Variants in PRKG1 observed in about 807,000 individuals in gnomAD.
PRKG1 encodes the protein cGMP-dependent protein kinase 1.
A neutral mutation model predicts 88.1 loss-of-function variants in PRKG1; 35 were observed. The observed-to-expected ratio is 0.40, with a 90% CI of 0.30 to 0.53. PRKG1 has a LOEUF of 0.53. Among genes scored for constraint, PRKG1 ranks in the 20% least tolerant of loss-of-function variants. The probability of loss-of-function intolerance (pLI) is 0.59; values close to 1 mark genes in which losing one functional copy is unlikely to be tolerated. For synonymous variants in PRKG1, 303 were observed against 292.5 expected, an observed-to-expected ratio of 1.04 and a Z score of -0.37; for missense variants, 540 against 839.8, an observed-to-expected ratio of 0.64 and a Z score of 4.41.
Position 51,772,974 on chromosome 10 carries a change from G to A in PRKG1, c.593-31611G>A, listed in dbSNP as rs1372481059. On this transcript the variant is annotated intron_variant, in intron 3 of 17. Transcript: ENST00000373980. ...TGGGGCTCAGATAGCAATGTTAATT[G>A]GCAGAACTAGAGTGCATCAGTTAGT... is the stretch of plus-strand genomic sequence containing the variant. 3.3e-5 allele frequency among the ~76,000 whole-genome samples: 5 copies of A among 152,062 alleles called. No individual in the cohort carries two copies. In the East Asian group the frequency reaches 9.7e-4, roughly 29 times the overall value.
chr10:51,997,686 A>T (rs1291001176), intron 5 of PRKG1, among the ~76,000 whole-genome samples: 1 of 152,170 alleles, frequency 6.6e-6, no homozygotes, highest in Non-Finnish European at 1.5e-5. Flanking sequence ...TGTTGTACGC[A>T]ATAAATACAT....
At chr10:51,490,795 G>A (rs73338066) in intron 3 of PRKG1, among the ~76,000 whole-genome samples, 25,626 of 151,922 alleles carry the variant, frequency 0.17, 3,177 homozygotes, top group African/African-American at 0.35. Context: ...GAAAGCAACC[G>A]GGCTATATCT....
chr10:51,086,523 T>A (rs1347273350), intron 1 of PRKG1, among the ~76,000 whole-genome samples: 3 of 152,310 alleles, frequency 2.0e-5, no homozygotes, highest in African/African-American at 7.2e-5. Flanking sequence ...TTATAATAAC[T>A]TTTTTCCAAA....
chr10:51,654,520 T>C (rs2132319572), intron 3 of PRKG1, among the ~76,000 whole-genome samples: 1 of 152,182 alleles, frequency 6.6e-6, no homozygotes, highest in Admixed American at 6.5e-5. Flanking sequence ...TCTTCTATGG[T>C]TTTTTATTAG....
intron 3 of PRKG1, among the ~76,000 whole-genome samples, chr10:51,686,657 C>T (rs191159339): frequency 1.4e-4 from 21 of 152,274 alleles, no homozygotes; most frequent in Middle Eastern, 3.4e-3. Flanking sequence ...CAAACAAAGC[C>T]CCAATTAGGA....
chr10:51,050,497 T>G (rs1843547207), intron 1 of PRKG1, among the ~76,000 whole-genome samples: 1 of 152,160 alleles, frequency 6.6e-6, no homozygotes, highest in Admixed American at 6.5e-5. Context: ...ATTTCCTTCT[T>G]TTTCAGAGAC....
intron 9 of PRKG1, among the ~76,000 whole-genome samples, chr10:52,212,323 TC>T (rs1366003311): frequency 6.6e-6 from 1 of 152,164 alleles, no homozygotes; most frequent in Non-Finnish European, 1.5e-5. Context: ...TGTTTACACC[TC>T]ATTAGGTTAC....
intron 1 of PRKG1, among the ~76,000 whole-genome samples, chr10:50,993,176 T>TA (rs1464122156): frequency 6.6e-6 from 1 of 152,108 alleles, no homozygotes; most frequent in Non-Finnish European, 1.5e-5. Flanking sequence ...GGTTCAGAGT[T>TA]ATTAGAAGAA....
rs928569093 is a variant in PRKG1, at chr10:51,494,279, C to T, written c.592+26443C>T. 2.0e-5 allele frequency among the ~76,000 whole-genome samples: 3 copies of T among 152,106 alleles called. No individual in the cohort carries two copies. In the East Asian group the frequency reaches 5.8e-4, roughly 29 times the overall value. ...AGAAAAACTAGAGTGATTTCAAATC[C>T]ATTGTTCTATTTTCTCTTGAAAGGA... is the stretch of plus-strand genomic sequence containing the variant. On this transcript the variant is annotated intron_variant, in intron 3 of 17. Transcript: ENST00000373980.
intron 1 of PRKG1, among the ~76,000 whole-genome samples, chr10:51,148,064 C>T (rs1845982314): frequency 6.6e-6 from 1 of 152,156 alleles, no homozygotes; most frequent in Admixed American, 6.6e-5. Context: ...ACAGGACTAC[C>T]AATTTTCTTT....
intron 3 of PRKG1, among the ~76,000 whole-genome samples, chr10:51,605,657 A>T (rs1307663977): frequency 1.3e-5 from 2 of 152,234 alleles, no homozygotes; most frequent in African/African-American, 4.8e-5. Flanking sequence ...TGCTTTAGAA[A>T]GTAGAATGAC....
chr10:52,174,702 G>A (rs530676079), intron 9 of PRKG1, among the ~76,000 whole-genome samples: 32 of 151,964 alleles, frequency 2.1e-4, no homozygotes, highest in Non-Finnish European at 4.0e-4. Context: ...AAGTAAAAAT[G>A]CTTCCTCCTC....
intron 5 of PRKG1, among the ~76,000 whole-genome samples, chr10:51,929,150 G>A (rs980352844): frequency 3.9e-5 from 6 of 151,990 alleles, no homozygotes; most frequent in Admixed American, 6.6e-5. Context: ...AATCAAATAG[G>A]ACTCACCCAC....
intron 8 of PRKG1, among the ~76,000 whole-genome samples, chr10:52,160,757 C>A (rs79687353): frequency 0.011 from 1,626 of 152,126 alleles, 26 homozygotes; most frequent in East Asian, 0.059. Context: ...ACACACAAAC[C>A]ATTTACATGT....
intron 2 of PRKG1, among the ~76,000 whole-genome samples, chr10:51,428,187 G>C (rs909363140): frequency 6.6e-6 from 1 of 152,174 alleles, no homozygotes. Flanking sequence ...TCCTCGTTAT[G>C]CAACTGCTAA....
At chr10:52,112,103 C>T (rs1243156759) in intron 7 of PRKG1, among the ~76,000 whole-genome samples, 1 of 152,100 alleles carries the variant, frequency 6.6e-6, no homozygotes, top group Admixed American at 6.5e-5. Context: ...TTCAGGTTGC[C>T]CCCACTATTT....
At chr10:51,608,555 G>A (rs1422589498) in intron 3 of PRKG1, among the ~76,000 whole-genome samples, 2 of 152,200 alleles carry the variant, frequency 1.3e-5, no homozygotes, top group Admixed American at 6.5e-5. Flanking sequence ...TCTAACATCA[G>A]TGGTCCTATT....
At chr10:52,109,550 T>G (rs11591515) in intron 7 of PRKG1, among the ~76,000 whole-genome samples, 23,986 of 152,038 alleles carry the variant, frequency 0.16, 2,480 homozygotes, top group South Asian at 0.28. Flanking sequence ...GCAGATCACC[T>G]GAGGTCAGGA....
At chr10:52,198,852 A>C (rs1489493813) in intron 9 of PRKG1, among the ~76,000 whole-genome samples, 4 of 150,862 alleles carry the variant, frequency 2.7e-5, no homozygotes, top group Non-Finnish European at 4.4e-5. Flanking sequence ...GTGTAAGCTC[A>C]CTCTGTTTCC....
Sources: allele counts gnomAD v4.1 joint callset (sites outside exome capture counted in the v4.1 genomes callset), GRCh38; gene constraint gnomAD v4.1.1; transcripts MANE v1.5; gene names NCBI Gene and HGNC (gene_info 2026-07-23, HGNC 2026-07-21).